The following ALDOB variants were observed in gnomAD, a reference collection of about 807,000 sequenced individuals.
ALDOB encodes the protein aldolase, fructose-bisphosphate B.
Under a neutral mutation model 41.0 loss-of-function variants are expected in ALDOB, and 39 were observed. The observed-to-expected ratio is 0.95, with a 90% CI of 0.74 to 1.24. ALDOB has a LOEUF of 1.24. Among genes scored for constraint, ALDOB ranks in the 50% most tolerant of loss-of-function variants. The probability of loss-of-function intolerance (pLI) is 0.00; values close to 1 mark genes in which losing one functional copy is unlikely to be tolerated. For synonymous variants in ALDOB, 175 were observed against 168.8 expected, an observed-to-expected ratio of 1.04 and a Z score of -0.28; for missense variants, 530 against 457.3, an observed-to-expected ratio of 1.16 and a Z score of -1.45.
At chr9:101,435,451 G>GT (rs532974390) in intron 1 of ALDOB, among the ~76,000 whole-genome samples, 93 of 152,260 alleles carry the variant, frequency 6.1e-4, no homozygotes, top group Non-Finnish European at 1.1e-3. Flanking sequence ...CCTCATTCAG[G>GT]TAACACAAGT....
Position 101,426,598 on chromosome 9 carries a change from T to A in ALDOB, c.581A>T (p.Asp194Val). Residue 194 changes from aspartate (D) to valine (V), a missense_variant, in exon 6 of 9, where the codon GAT becomes GTT. Physicochemically the swap from Asp to Val is radical, Grantham distance 152. Coordinates refer to ENST00000647789, the MANE Select transcript of ALDOB (RefSeq NM_000035.4). ...GCAGTGTTCCAGGTCATGGTCTCCA[T>A]CAGGAATTACCTCTGGTTCAACAAT... ...VPIVEPEVIP[D>V]GDHDLEHCQY... 1 of 1,613,444 alleles carries A rather than the reference T, an allele frequency of 6.2e-7. No homozygotes were observed. The highest frequency in any genetic ancestry group is 8.5e-7 in the Non-Finnish European group (1 of 1,179,376).
chr9:101,428,221 G>T (rs189672587), intron 4 of ALDOB, among the ~76,000 whole-genome samples: 69 of 152,252 alleles, frequency 4.5e-4, no homozygotes, highest in Non-Finnish European at 9.1e-4. Flanking sequence ...TATGTACATT[G>T]TCTAAGTTAA....
chr9:101,433,480 C>A (rs920131582), intron 1 of ALDOB, among the ~76,000 whole-genome samples: 7 of 152,138 alleles, frequency 4.6e-5, no homozygotes, highest in African/African-American at 1.7e-4. Flanking sequence ...AGGAGGACAA[C>A]CTGGGATGGG....
intron 8 of ALDOB, among the ~76,000 whole-genome samples, chr9:101,422,722 A>G (rs182050276): frequency 1.3e-5 from 2 of 152,354 alleles, no homozygotes; most frequent in East Asian, 1.9e-4. Context: ...ATAGTTAACA[A>G]TGATTTATTA....
At chr9:101,434,541 A>G (rs1831264127) in intron 1 of ALDOB, among the ~76,000 whole-genome samples, 1 of 152,326 alleles carries the variant, frequency 6.6e-6, no homozygotes, top group East Asian at 1.9e-4. Flanking sequence ...AGGCTTATTT[A>G]TTGATAGCCC....
At chr9:101,431,406 A>T (rs1831217231) in intron 1 of ALDOB, among the ~76,000 whole-genome samples, 1 of 152,220 alleles carries the variant, frequency 6.6e-6, no homozygotes, top group Admixed American at 6.5e-5. Context: ...ATAGTCTTAA[A>T]GCTAACTTCC....
At chr9:101,431,649 T>C (rs1236488405) in intron 1 of ALDOB, among the ~76,000 whole-genome samples, 1 of 152,114 alleles carries the variant, frequency 6.6e-6, no homozygotes, top group Non-Finnish European at 1.5e-5. Flanking sequence ...GCCTCCACAG[T>C]GGTTGTGCTC....
At chr9:101,426,952 G>A (rs1240020946) in intron 5 of ALDOB, among the ~76,000 whole-genome samples, 3 of 152,150 alleles carry the variant, frequency 2.0e-5, no homozygotes, top group Non-Finnish European at 4.4e-5. Flanking sequence ...GCAGTGTTTA[G>A]AGTTCTAATT....
At chr9:101,423,493 C>T (rs767814413) in intron 8 of ALDOB, among the ~76,000 whole-genome samples, 1 of 152,200 alleles carries the variant, frequency 6.6e-6, no homozygotes, top group Non-Finnish European at 1.5e-5. Context: ...TAGCAAGTTC[C>T]TTTAACTGCT....
intron 1 of ALDOB, among the ~76,000 whole-genome samples, chr9:101,435,282 A>C (rs1165776767): frequency 1.3e-5 from 2 of 152,222 alleles, no homozygotes; most frequent in Non-Finnish European, 2.9e-5. Flanking sequence ...GAATGTAGAA[A>C]ATGACATAAG....
chr9:101,434,587 A>G (rs1194487518), intron 1 of ALDOB, among the ~76,000 whole-genome samples: 4 of 152,356 alleles, frequency 2.6e-5, no homozygotes, highest in Admixed American at 2.0e-4. Context: ...ACTTTTGTAC[A>G]TGATGCTTAA....
intron 1 of ALDOB, among the ~76,000 whole-genome samples, chr9:101,435,497 C>A (rs547885068): frequency 6.6e-6 from 1 of 152,110 alleles, no homozygotes; most frequent in Admixed American, 6.5e-5. Flanking sequence ...TGCCACCTCT[C>A]AAAAAGTCAG....
intron 8 of ALDOB, among the ~76,000 whole-genome samples, chr9:101,424,291 T>A (rs1831091519): frequency 6.6e-6 from 1 of 152,142 alleles, no homozygotes; most frequent in African/African-American, 2.4e-5. Flanking sequence ...TGGTGGCGCA[T>A]GCCTCTAGTC....
intron 2 of ALDOB, 38 bp downstream of exon 2, chr9:101,430,738 A>T: frequency 6.8e-7 from 1 of 1,462,170 alleles, no homozygotes. Context: ...AGAAAAAATA[A>T]TATGTTGTTA....
At position 101,430,893 on chromosome 9, in the gene ALDOB, C is replaced by T. The variant is rs1831210464; in HGVS notation, c.-6G>A. ...GCTGGAAATCGGTGGGCCATGGTGACAGGTCTGGAAAAGAGTGTGCGAGAG... is the reference window on the plus strand; with the variant it reads ...GCTGGAAATCGGTGGGCCATGGTGATAGGTCTGGAAAAGAGTGTGCGAGAG... On this transcript the variant is annotated 5_prime_UTR_variant, in exon 2 of 9. Transcript: ENST00000647789. The T allele has an allele frequency of 6.2e-7, 1 of 1,608,828 alleles. No homozygotes were observed. The highest frequency in any genetic ancestry group is 8.5e-7 in the Non-Finnish European group (1 of 1,175,294).
At position 101,427,641 on chromosome 9, in the gene ALDOB, C is replaced by T. The variant is rs754570126; in HGVS notation, c.381G>A (p.Gly127=). Residue 127 remains glycine (G), a splice_region_variant and synonymous_variant, in exon 5 of 9, where the codon GGG becomes GGA. Coordinates refer to ENST00000647789, the MANE Select transcript of ALDOB (RefSeq NM_000035.4). ...AGTNKETTIQ[G]LDGLSERCAQ... ...CACAGCGCTCTGAGAGGCCATCAAG[C>T]CCTGCAAGTCACAAAAGAGAGAAAG... 1.2e-6 allele frequency: 2 copies of T among 1,613,880 alleles called. No homozygotes were observed. Among genetic ancestry groups the T allele is most frequent in the African/African-American group, 2.7e-5 (2 of 74,896 alleles).
At position 101,427,615 on chromosome 9, in the gene ALDOB, G is replaced by A. The variant is rs762014941; in HGVS notation, c.407C>T (p.Ala136Val). ...GTCAACACCATCTTTCTTGTACTGAGCACAGCGCTCTGAGAGGCCATCAAG... is the reference window on the plus strand; with the variant it reads ...GTCAACACCATCTTTCTTGTACTGAACACAGCGCTCTGAGAGGCCATCAAG... ...QGLDGLSERC[A>V]QYKKDGVDFG... The change falls in exon 5 of 9, where the codon GCT (alanine) becomes GTT (valine). Residue 136 changes from alanine (A) to valine (V), a missense_variant. Transcript: ENST00000647789. 1.1e-5 allele frequency: 18 copies of A among 1,614,114 alleles called. No individual in the cohort carries two copies. Among genetic ancestry groups the A allele is most frequent in the Non-Finnish European group, 1.4e-5 (16 of 1,180,038 alleles).
At chr9:101,427,834 G>C (rs1159958908) in intron 4 of ALDOB, among the ~76,000 whole-genome samples, 192 bp from the exon 5 acceptor site, 2 of 152,082 alleles carry the variant, frequency 1.3e-5, no homozygotes, top group African/African-American at 4.8e-5. Flanking sequence ...ATAGTGTTTT[G>C]ACATACATAC....
chr9:101,425,833 C>G (rs1370584486), intron 6 of ALDOB, among the ~76,000 whole-genome samples: 1 of 152,196 alleles, frequency 6.6e-6, no homozygotes, highest in East Asian at 1.9e-4. Flanking sequence ...CTGTCTTCAT[C>G]ACCCCTAATC....
Sources: gnomAD v4.1 joint callset for allele counts (sites outside exome capture counted in the v4.1 genomes callset) on GRCh38, gnomAD v4.1.1 for gene constraint, MANE v1.5 for transcripts, NCBI Gene and HGNC (gene_info 2026-07-23, HGNC 2026-07-21) for gene names.